The following CAPZB variants were observed in gnomAD, a reference collection of about 807,000 sequenced individuals.
CAPZB encodes F-actin-capping protein subunit beta.
CAPZB carries 2 observed loss-of-function variants against 38.1 expected under a neutral mutation model. The ratio of observed to expected loss-of-function variants is 0.05; its 90% confidence interval spans 0.02 to 0.17. The LOEUF is 0.17. CAPZB is among the 10% of genes least tolerant of loss of function. CAPZB has a pLI of 1.00. For synonymous variants in CAPZB, 107 were observed against 127.4 expected, an observed-to-expected ratio of 0.84 and a Z score of 1.08; for missense variants, 161 against 334.2, an observed-to-expected ratio of 0.48 and a Z score of 4.04.
chr1:19,409,299 G>C (rs12403329), intron 2 of CAPZB, among the ~76,000 whole-genome samples: 28,293 of 151,846 alleles, frequency 0.19, 3,269 homozygotes, highest in Non-Finnish European at 0.24. Flanking sequence ...CAAGGTGAGG[G>C]GATCCACTTC....
At chr1:19,396,091 G>A (rs796890060) in intron 2 of CAPZB, among the ~76,000 whole-genome samples, 6 of 152,352 alleles carry the variant, frequency 3.9e-5, no homozygotes, top group African/African-American at 7.2e-5. Context: ...AAGCCGCGAC[G>A]GCAGAGGCCG....
At chr1:19,430,004 T>C (rs993601245) in intron 1 of CAPZB, among the ~76,000 whole-genome samples, 2 of 152,202 alleles carry the variant, frequency 1.3e-5, no homozygotes, top group Non-Finnish European at 2.9e-5. Flanking sequence ...AACTCCCTCA[T>C]GCAGCTTGCT....
chr1:19,366,760 G>C (rs1436429468), intron 4 of CAPZB, among the ~76,000 whole-genome samples: 2 of 152,164 alleles, frequency 1.3e-5, no homozygotes, highest in Non-Finnish European at 2.9e-5. Flanking sequence ...AAGAGGAAGA[G>C]AATAAAACCC....
At position 19,339,238 on chromosome 1, in the gene CAPZB, A is replaced by C; in HGVS notation, c.*292T>G. On this transcript the variant is annotated 3_prime_UTR_variant, in exon 9 of 9. Coordinates refer to ENST00000264202, the MANE Select transcript of CAPZB (RefSeq NM_004930.5). ...CTGGCAGACAGTGGATTTTATGCCT[A>C]TAAATGGGGGGACAGGGAGGAAGAC... 1 of 411,484 alleles carries C rather than the reference A, an allele frequency of 2.4e-6. No individual in the cohort carries two copies. Among genetic ancestry groups the C allele is most frequent in the Non-Finnish European group, 4.4e-6 (1 of 227,206 alleles). 25.5% of individuals were successfully genotyped at this position (411,484 alleles called of 1,614,324 possible).
intron 6 of CAPZB, among the ~76,000 whole-genome samples, chr1:19,348,711 T>A (rs745640371): frequency 3.7e-5 from 5 of 134,314 alleles, no homozygotes; most frequent in African/African-American, 5.8e-5. Context: ...CACAAAGCAA[T>A]GTGGTCTGGG....
intron 1 of CAPZB, among the ~76,000 whole-genome samples, chr1:19,439,770 G>A (rs998399083): frequency 4.6e-5 from 7 of 152,182 alleles, no homozygotes; most frequent in Non-Finnish European, 8.8e-5. Context: ...ACTCGCCCTC[G>A]GCTGTCCCCT....
intron 2 of CAPZB, among the ~76,000 whole-genome samples, chr1:19,387,877 G>A (rs930043875): frequency 1.3e-5 from 2 of 152,186 alleles, no homozygotes; most frequent in Non-Finnish European, 2.9e-5. Flanking sequence ...GGAAATGCAC[G>A]TATGTTACTG....
intron 8 of CAPZB, among the ~76,000 whole-genome samples, chr1:19,340,703 AAAAG>A (rs2093923287): frequency 6.6e-6 from 1 of 152,222 alleles, no homozygotes; most frequent in Non-Finnish European, 1.5e-5. Flanking sequence ...CAAGGCTTAA[AAAAG>A]AAAAAAGCTA....
intron 1 of CAPZB, among the ~76,000 whole-genome samples, chr1:19,433,341 A>T (rs11585820): frequency 6.6e-6 from 1 of 152,110 alleles, no homozygotes; most frequent in African/African-American, 2.4e-5. Context: ...TGTCTTCCAA[A>T]TAACAGTTAA....
At chr1:19,419,064 G>C (rs2094391516) in intron 2 of CAPZB, among the ~76,000 whole-genome samples, 1 of 152,102 alleles carries the variant, frequency 6.6e-6, no homozygotes, top group African/African-American at 2.4e-5. Context: ...TGAATATTTT[G>C]AGCACTCTTC....
intron 4 of CAPZB, among the ~76,000 whole-genome samples, chr1:19,365,414 G>C (rs988323914): frequency 6.6e-6 from 1 of 152,222 alleles, no homozygotes; most frequent in African/African-American, 2.4e-5. Flanking sequence ...CTGAGTTCCA[G>C]ATCGCGTGGA....
intron 6 of CAPZB, among the ~76,000 whole-genome samples, chr1:19,346,500 A>G (rs2093961744): frequency 6.7e-6 from 1 of 149,292 alleles, no homozygotes; most frequent in South Asian, 2.1e-4. Flanking sequence ...GTTCAAAATG[A>G]GACCAGGCCC....
chr1:19,422,536 A>G (rs541824724), intron 1 of CAPZB, among the ~76,000 whole-genome samples: 38 of 152,260 alleles, frequency 2.5e-4, no homozygotes, highest in African/African-American at 8.9e-4. Flanking sequence ...GGAGATTGAG[A>G]CCATCCTGGC....
intron 1 of CAPZB, among the ~76,000 whole-genome samples, chr1:19,472,798 A>G (rs2094594105): frequency 7.2e-6 from 1 of 138,594 alleles, no homozygotes. Context: ...GCTCACTGCA[A>G]GCTCCGCCTC....
chr1:19,421,995 T>G (rs564985361), intron 1 of CAPZB, among the ~76,000 whole-genome samples: 2 of 152,212 alleles, frequency 1.3e-5, no homozygotes, highest in African/African-American at 2.4e-5. Context: ...CTCTCTCTCT[T>G]GCTCCCCTTA....
In CAPZB at chr1:19,485,500, C is replaced by G. The variant is rs556448734; in HGVS notation, c.-62G>C. The G allele has an allele frequency of 3.3e-6, 4 of 1,220,530 alleles. No homozygotes were observed. In the African/African-American group the frequency reaches 6.3e-5, roughly 19 times the overall value. The allele number at this position is 1,220,530 out of a possible 1,614,324, so 75.6% of individuals were successfully genotyped here. A position where few individuals can be genotyped will look rare whatever the true frequency, so the allele number is the denominator to read the frequency against. On this transcript the variant is annotated 5_prime_UTR_variant, in exon 1 of 9. Coordinates refer to ENST00000264202, the MANE Select transcript of CAPZB (RefSeq NM_004930.5). ...AGTGGCTCTCCCCCCCGCAGCAGGG[C>G]CCGGCGCTTCCACTTCCCCGGGTGC...
At chr1:19,406,079 T>C (rs997043341) in intron 2 of CAPZB, among the ~76,000 whole-genome samples, 2 of 152,150 alleles carry the variant, frequency 1.3e-5, no homozygotes, top group Non-Finnish European at 2.9e-5. Flanking sequence ...GAACCTTAAT[T>C]GTGAGCTCGA....
At chr1:19,370,309 C>T (rs1165169456) in intron 4 of CAPZB, among the ~76,000 whole-genome samples, 3 of 152,222 alleles carry the variant, frequency 2.0e-5, no homozygotes, top group East Asian at 1.9e-4. Context: ...TAATTCGCTA[C>T]AAGGACTCAC....
intron 1 of CAPZB, among the ~76,000 whole-genome samples, chr1:19,472,275 G>A (rs2094591362): frequency 6.6e-6 from 1 of 152,206 alleles, no homozygotes; most frequent in Admixed American, 6.5e-5. Context: ...TCATCTCGAA[G>A]GCAGATGTTG....
Sources: allele counts gnomAD v4.1 joint callset (sites outside exome capture counted in the v4.1 genomes callset), GRCh38; gene constraint gnomAD v4.1.1; transcripts MANE v1.5; gene names NCBI Gene and HGNC (gene_info 2026-07-23, HGNC 2026-07-21).